The following RASGRP4 variants were observed in gnomAD, a reference collection of about 807,000 sequenced individuals.
RASGRP4 encodes the protein RAS guanyl-releasing protein 4.
In RASGRP4, 52 loss-of-function variants were observed where a neutral mutation model predicts 84.4. That is an observed-to-expected ratio of 0.62 (90% CI 0.49 to 0.78). The LOEUF (loss-of-function observed/expected upper bound fraction) is 0.78. Among genes scored for constraint, RASGRP4 ranks in the 30% least tolerant of loss-of-function variants. The probability of loss-of-function intolerance (pLI) is 0.00; values close to 1 mark genes in which losing one functional copy is unlikely to be tolerated. For missense variants in RASGRP4, 760 were observed against 886.9 expected (o/e 0.86, Z 1.82); for synonymous variants, 356 against 359.1 (o/e 0.99, Z 0.10).
Position 38,421,177 on chromosome 19 carries a change from C to T in RASGRP4, c.232G>A (p.Glu78Lys), listed in dbSNP as rs180932169. ...AGCACCATGTTGAGCATGTGGTCCT[C>T]GTGGCACAGGCTGCCAGCTGAATCT... Reference protein sequence around the residue: ...SFDSAGSLCHEDHMLNMVLAM... With the variant: ...SFDSAGSLCHKDHMLNMVLAM... Residue 78 changes from glutamate (E) to lysine (K), a missense_variant, in exon 3 of 17, where the codon GAG (glutamate) becomes AAG (lysine). Transcript: ENST00000615439. The T allele has an allele frequency of 6.7e-5, 108 of 1,613,686 alleles. No individual in the cohort carries two copies. The African/African-American group carries it at 9.2e-4, about 14-fold the overall frequency.
chr19:38,418,672 A>C lies in RASGRP4; in HGVS notation c.664-108T>G. 1 of 1,142,256 alleles carries C rather than the reference A, an allele frequency of 8.8e-7. No individual in the cohort carries two copies. The highest frequency in any genetic ancestry group is 1.7e-5 in the South Asian group (1 of 60,410). The allele number at this position is 1,142,256 out of a possible 1,614,324, so 70.8% of individuals were successfully genotyped here. ...TGATGTCCTAGCCTGGTCTAGCCGG[A>C]GTGACCTTTGTCATCTGTCCCCCAA... On this transcript the variant is annotated intron_variant, in intron 6 of 16. Transcript: ENST00000615439. The surrounding 1 kb of genome is among the most constrained non-coding windows in gnomAD (Gnocchi z 4.6).
chr19:38,426,146 C>G lies in RASGRP4; in HGVS notation c.-55G>C, dbSNP rs1414528274. The G allele has an allele frequency of 7.9e-7, 1 of 1,273,242 alleles. No individual in the cohort carries two copies. The highest frequency in any genetic ancestry group is 1.5e-5 in the African/African-American group (1 of 65,392). The allele number at this position is 1,273,242 out of a possible 1,614,324, so 78.9% of individuals were successfully genotyped here. ...GTCTTGCAAGAGTAGGGCTCAGCTCCTCCCCTTGCCCAGGACTCCAGCTTC... is the reference window on the plus strand; with the variant it reads ...GTCTTGCAAGAGTAGGGCTCAGCTCGTCCCCTTGCCCAGGACTCCAGCTTC... On this transcript the variant is annotated 5_prime_UTR_variant, in exon 1 of 17. Coordinates refer to ENST00000615439, the MANE Select transcript of RASGRP4 (RefSeq NM_170604.3).
rs1782010344 is a variant in RASGRP4, at chr19:38,412,582, T to A, written c.1680+90A>T. The A allele has an allele frequency of 8.1e-7, 1 of 1,230,572 alleles. No individual in the cohort carries two copies. The highest frequency in any genetic ancestry group is 2.3e-5 in the Admixed American group (1 of 43,062). The allele number at this position is 1,230,572 out of a possible 1,614,324, so 76.2% of individuals were successfully genotyped here. A position where few individuals can be genotyped will look rare whatever the true frequency, so the allele number is the denominator to read the frequency against. ...AACAGGATGATTTGAAGCTGGAGGA[T>A]TTCTGGAATTTGGGGGTTATCTGGG... is the stretch of plus-strand genomic sequence containing the variant. On this transcript the variant is annotated intron_variant, in intron 13 of 16. Coordinates refer to ENST00000615439, the MANE Select transcript of RASGRP4 (RefSeq NM_170604.3). This position sits in a 1 kb window ranked among gnomAD's most constrained non-coding sequence, Gnocchi z 4.6.
chr19:38,417,244 T>C lies in RASGRP4; in HGVS notation c.838-76A>G, dbSNP rs550547232. ...AGGAGTTCAGATGACAGCATCCCAG[T>C]TGAGGTGGGGTCCCAGGCATGTGTG... On this transcript the variant is annotated intron_variant, in intron 7 of 16. Transcript: ENST00000615439. This position sits in a 1 kb window ranked among gnomAD's most constrained non-coding sequence, Gnocchi z 5.1. 1.1e-6 allele frequency: 1 copy of C among 934,422 alleles called. No individual in the cohort carries two copies. Among genetic ancestry groups the C allele is most frequent in the Non-Finnish European group, 1.7e-6 (1 of 587,098 alleles). The allele number at this position is 934,422 out of a possible 1,614,324, so 57.9% of individuals were successfully genotyped here. A position where few individuals can be genotyped will look rare whatever the true frequency, so the allele number is the denominator to read the frequency against.
Position 38,422,094 on chromosome 19 carries a change from C to T in RASGRP4, c.83G>A (p.Arg28His), listed in dbSNP as rs374569775. The change falls in exon 2 of 17, where the codon CGC becomes CAC. Residue 28 changes from arginine (R) to histidine (H), a missense_variant. Physicochemically the swap from Arg to His is conservative, Grantham distance 29. Transcript: ENST00000615439. ...IGGRGRPRQV[R>H]RHKTCPSPRE... ...AGGGCTGGGGCATGTCTTGTGGCGG[C>T]GCACTTGGCGGGGCCGGCCTCGCCC... The T allele has an allele frequency of 1.4e-5, 23 of 1,613,352 alleles. No homozygotes were observed. Among genetic ancestry groups the T allele is most frequent in the South Asian group, 9.9e-5 (9 of 91,070 alleles).
In RASGRP4 at chr19:38,412,402, G is replaced by A. The variant is rs567514400; in HGVS notation, c.1680+270C>T. The A allele has an allele frequency of 2.8e-4, 122 of 430,242 alleles. No homozygotes were observed. The highest frequency in any genetic ancestry group is 2.6e-3 in the South Asian group (97 of 37,282). 26.7% of individuals were successfully genotyped at this position (430,242 alleles called of 1,614,324 possible). Reference sequence around the variant, plus strand: ...CTCCCCAAGTGCTGGGATTACAGGCGTGAGCCACCACTCCTGGCCTCCTAT... The same window carrying A: ...CTCCCCAAGTGCTGGGATTACAGGCATGAGCCACCACTCCTGGCCTCCTAT... On this transcript the variant is annotated intron_variant, in intron 13 of 16. Transcript: ENST00000615439. This position sits in a 1 kb window ranked among gnomAD's most constrained non-coding sequence, Gnocchi z 4.6.
intron 13 of RASGRP4, among the ~76,000 whole-genome samples, chr19:38,411,905 A>G (rs1971271792): frequency 6.6e-6 from 1 of 152,152 alleles, no homozygotes; most frequent in Non-Finnish European, 1.5e-5. Flanking sequence ...TGAATGTGGG[A>G]AGTAATCCAA....
chr19:38,420,323 T>C, intron 4 of RASGRP4, 61 bp from the exon 5 acceptor site: 2 of 1,560,418 alleles, frequency 1.3e-6, no homozygotes, highest in South Asian at 2.4e-5. Flanking sequence ...CTACAAGGGG[T>C]ATTTTGGGCT....
In RASGRP4 at chr19:38,413,360, T is replaced by C. The variant is rs1971358251; in HGVS notation, c.1311+34A>G. The C allele has an allele frequency of 3.7e-6, 6 of 1,602,398 alleles. No homozygotes were observed. Among genetic ancestry groups the C allele is most frequent in the African/African-American group, 2.7e-5 (2 of 74,610 alleles). ...TAGGCTTAGGGGGGGTTCGAGGTAA[T>C]TGGGGGAGTCCGAGGCCAGGGGTTG... is the stretch of plus-strand genomic sequence containing the variant. On this transcript the variant is annotated intron_variant, in intron 10 of 16. Coordinates refer to ENST00000615439, the MANE Select transcript of RASGRP4 (RefSeq NM_170604.3). This position sits in a 1 kb window ranked among gnomAD's most constrained non-coding sequence, Gnocchi z 4.7.
intron 1 of RASGRP4, among the ~76,000 whole-genome samples, chr19:38,423,824 G>C (rs555875929): frequency 6.6e-6 from 1 of 151,924 alleles, no homozygotes; most frequent in South Asian, 2.1e-4. Flanking sequence ...GCAACAGAGC[G>C]AGTCTTAGTC....
chr19:38,409,949 G>A lies in RASGRP4; in HGVS notation c.*91C>T. The A allele has an allele frequency of 1.0e-6, 1 of 987,300 alleles. No homozygotes were observed. The highest frequency in any genetic ancestry group is 1.5e-5 in the South Asian group (1 of 65,744). 61.2% of individuals were successfully genotyped at this position (987,300 alleles called of 1,614,324 possible). On this transcript the variant is annotated 3_prime_UTR_variant, in exon 17 of 17. Coordinates refer to ENST00000615439, the MANE Select transcript of RASGRP4 (RefSeq NM_170604.3). Reference sequence around the variant, plus strand: ...GATGGGAAGGCGGATGCCTCTGGAGGCCTACCTCTGGGAGCCCTGCCAGAG... The same window carrying A: ...GATGGGAAGGCGGATGCCTCTGGAGACCTACCTCTGGGAGCCCTGCCAGAG...
intron 3 of RASGRP4, 61 bp downstream of exon 3, chr19:38,421,034 C>A (rs1971723759): frequency 6.2e-7 from 1 of 1,606,078 alleles, no homozygotes; most frequent in Admixed American, 1.7e-5. Flanking sequence ...ATTCCCATTG[C>A]CCAGGTTCTC....
chr19:38,411,489 C>T (rs1026186581), intron 13 of RASGRP4, 108 bp from the exon 14 acceptor site: 11 of 1,080,496 alleles, frequency 1.0e-5, no homozygotes, highest in Non-Finnish European at 1.4e-5. Flanking sequence ...TTTTGAAATT[C>T]TCAAGGCTAG....
At chr19:38,414,618 G>A (rs879603708) in intron 9 of RASGRP4, among the ~76,000 whole-genome samples, 37 of 152,220 alleles carry the variant, frequency 2.4e-4, no homozygotes, top group Admixed American at 1.1e-3. Context: ...GAGCCACTGC[G>A]CCCGGCTGGG....
rs1364224391 is a variant in RASGRP4 at position 38,419,875 on chromosome 19, GGACCGGAA to G, written c.640_647del (p.Phe214LeufsTer99). 6.2e-7 allele frequency: 1 copy of G among 1,600,862 alleles called. No homozygotes were observed. Among genetic ancestry groups the G allele is most frequent in the Admixed American group, 1.7e-5 (1 of 57,550 alleles). On this transcript the variant is annotated frameshift_variant, in exon 6 of 17. Transcript: ENST00000615439. LOFTEE classifies it high-confidence loss of function. ...GGGTCCTCACCGTGATAGCCTGGAA[GGACCGGAA>G]CTCCAGGTAGGTGAGGTGCTGAGCC...
At chr19:38,425,604 G>T (rs530800213) in intron 1 of RASGRP4, among the ~76,000 whole-genome samples, 8 of 152,162 alleles carry the variant, frequency 5.3e-5, no homozygotes, top group African/African-American at 9.7e-5. Context: ...AGAACCGGCC[G>T]CACAGCCAGC....
At position 38,420,164 on chromosome 19, in the gene RASGRP4, G is replaced by A. The variant is rs1971678806; in HGVS notation, c.476C>T (p.Ser159Leu). Residue 159 changes from serine to leucine, a missense_variant, in exon 5 of 17, where the codon TCA (serine) becomes TTA (leucine). Physicochemically the swap from Ser to Leu is moderately radical, Grantham distance 145. Coordinates refer to ENST00000615439, the MANE Select transcript of RASGRP4 (RefSeq NM_170604.3). ...AGAGTCTCCCAGTCTTCTCTGGGCT[G>A]AGTTGCCCTCCCGGGCCACGGTGGC... is the stretch of plus-strand genomic sequence containing the variant. ...FWATVAREGNSAQRRLGDSSD... is the reference protein window; with the variant it reads ...FWATVAREGNLAQRRLGDSSD... 1 of 1,613,734 alleles carries A rather than the reference G, an allele frequency of 6.2e-7. No individual in the cohort carries two copies. The highest frequency in any genetic ancestry group is 8.5e-7 in the Non-Finnish European group (1 of 1,179,758).
chr19:38,410,969 A>G lies in RASGRP4; in HGVS notation c.1882T>C (p.Ser628Pro), dbSNP rs748326713. 1.9e-6 allele frequency: 3 copies of G among 1,602,052 alleles called. No homozygotes were observed. Among genetic ancestry groups the G allele is most frequent in the Non-Finnish European group, 2.6e-6 (3 of 1,174,492 alleles). Residue 628 changes from serine to proline, a missense_variant, in exon 16 of 17, where the codon TCC (serine) becomes CCC (proline). Transcript: ENST00000615439. The stretch of plus-strand genomic sequence containing the variant: ...TGGCACCCAGTCTCAGGCTCCAGGG[A>G]TAGCGTGTAGGAGTGATTTTCCTCG... ...GSEENHSYTL[S>P]LEPETGCQLR... is the part of the protein sequence containing the mutation.
intron 13 of RASGRP4, 152 bp from the exon 14 acceptor site, chr19:38,411,533 G>T: frequency 1.3e-6 from 1 of 782,752 alleles, no homozygotes; most frequent in Non-Finnish European, 2.0e-6. Context: ...TGTGGGTGGG[G>T]TACAGTGGCT....
Sources: allele counts gnomAD v4.1 joint callset (sites outside exome capture counted in the v4.1 genomes callset), GRCh38; gene constraint gnomAD v4.1.1; non-coding constraint Gnocchi (gnomAD v3.1); transcripts MANE v1.5; gene names NCBI Gene and HGNC (gene_info 2026-07-23, HGNC 2026-07-21).